Variants in RASSF4 observed in about 807,000 individuals in gnomAD.
RASSF4 encodes ras association domain-containing protein 4.
A neutral mutation model predicts 41.1 loss-of-function variants in RASSF4; 38 were observed. That is an observed-to-expected ratio of 0.92 (90% confidence interval 0.71 to 1.21). RASSF4 has a LOEUF of 1.21. Ranked by LOEUF, RASSF4 falls within the 50% of genes most tolerant of loss-of-function variation. RASSF4 has a pLI of 0.00. For synonymous variants in RASSF4, 179 were observed against 163.4 expected (o/e 1.10, Z -0.73); for missense variants, 414 against 419.4 (o/e 0.99, Z 0.11).
chr10:44,989,521 C>T (rs528658910), intron 7 of RASSF4, 146 bp downstream of exon 7: 25 of 966,350 alleles, frequency 2.6e-5, no homozygotes, highest in East Asian at 1.5e-4. Flanking sequence ...TTTGGTTTCT[C>T]GGATTTCAAG....
At chr10:44,982,407 C>A in intron 3 of RASSF4, 114 bp from the exon 4 acceptor site, 1 of 1,324,518 alleles carries the variant, frequency 7.5e-7, no homozygotes, top group Non-Finnish European at 1.1e-6. Flanking sequence ...GGGATGGGGC[C>A]ACTCAGGAGG....
intron 10 of RASSF4, 118 bp downstream of exon 10, chr10:44,992,120 G>A (rs560377579): frequency 9.2e-6 from 6 of 651,600 alleles, no homozygotes; most frequent in Admixed American, 2.8e-5. Context: ...ACCCTGGTAC[G>A]GGAAGGCCTG....
At chr10:44,984,615 C>A in intron 5 of RASSF4, 198 bp from the exon 6 acceptor site, 1 of 635,768 alleles carries the variant, frequency 1.6e-6, no homozygotes, top group Non-Finnish European at 2.8e-6. Flanking sequence ...CATTGTGACC[C>A]AGGTTACCCT....
chr10:44,979,581 C>A (rs368396807), intron 3 of RASSF4, among the ~76,000 whole-genome samples: 1 of 152,154 alleles, frequency 6.6e-6, no homozygotes, highest in Non-Finnish European at 1.5e-5. Flanking sequence ...GGGGTGTCTT[C>A]CCTAAGAGCA....
rs748665151 is a variant in RASSF4, at chr10:44,978,066, A to C, written c.139-4455A>C. 74 of 1,587,334 alleles carry C rather than the reference A, an allele frequency of 4.7e-5. No individual in the cohort carries two copies. In the South Asian group the frequency reaches 7.4e-4, roughly 16 times the overall value. Reference sequence around the variant, plus strand: ...AGAGGAGGTGGCAACCTGTTGGGAAACAGAAGCCTGGTGGTGAGGGCCTGC... The same window carrying C: ...AGAGGAGGTGGCAACCTGTTGGGAACCAGAAGCCTGGTGGTGAGGGCCTGC... On this transcript the variant is annotated intron_variant, in intron 3 of 10. Coordinates refer to ENST00000340258, the MANE Select transcript of RASSF4 (RefSeq NM_032023.4).
At position 44,984,867 on chromosome 10, in the gene RASSF4, C is replaced by T; in HGVS notation, c.428C>T (p.Ala143Val). The part of the protein sequence containing the change: ...APQLMRTKSD[A>V]SCMSQRRPKC... ...CAGCTGATGCGGACCAAGAGCGACG[C>T]CAGTTGCATGAGCCAGAGGAGGCCC... Residue 143 changes from alanine to valine, a missense_variant, in exon 6 of 11, where the codon GCC becomes GTC. Ala to Val is a moderately conservative substitution (Grantham distance 64, BLOSUM62 0). Transcript: ENST00000340258. The T allele has an allele frequency of 6.2e-7, 1 of 1,613,686 alleles. No individual in the cohort carries two copies. Among genetic ancestry groups the T allele is most frequent in the Non-Finnish European group, 8.5e-7 (1 of 1,180,018 alleles).
Position 44,983,931 on chromosome 10 carries a change from C to T in RASSF4, c.282-91C>T, listed in dbSNP as rs546306732. On this transcript the variant is annotated intron_variant, in intron 4 of 10. Coordinates refer to ENST00000340258, the MANE Select transcript of RASSF4 (RefSeq NM_032023.4). ...AGCCTGCCTTGCTTCCCGCCTGTGT[C>T]CTACCCCAGGGGCTGCTGGTCTCTT... 19 of 1,548,282 alleles carry T rather than the reference C, an allele frequency of 1.2e-5. No homozygotes were observed. In the East Asian group the frequency reaches 4.4e-4, roughly 36 times the overall value.
At chr10:44,986,626 G>A (rs1266331071) in intron 6 of RASSF4, among the ~76,000 whole-genome samples, 1 of 152,232 alleles carries the variant, frequency 6.6e-6, no homozygotes, top group Non-Finnish European at 1.5e-5. Flanking sequence ...TCCTGGGTAA[G>A]GGAAGTCCCA....
intron 3 of RASSF4, among the ~76,000 whole-genome samples, chr10:44,978,406 A>G (rs934643762): frequency 4.6e-5 from 7 of 152,302 alleles, no homozygotes; most frequent in African/African-American, 1.7e-4. Context: ...TTACCCATCC[A>G]TAAAACAGGG....
intron 1 of RASSF4, among the ~76,000 whole-genome samples, chr10:44,966,906 C>G (rs949066830): frequency 6.6e-6 from 1 of 152,172 alleles, no homozygotes; most frequent in African/African-American, 2.4e-5. Flanking sequence ...CTAGAATTTT[C>G]TATTCTCCTG....
intron 6 of RASSF4, 24 bp downstream of exon 6, chr10:44,984,994 C>A (rs1412085342): frequency 1.3e-6 from 2 of 1,598,396 alleles, no homozygotes; most frequent in South Asian, 2.2e-5. Flanking sequence ...CTGGCCTCTC[C>A]CCTGGGCGCA....
At chr10:44,980,847 T>G (rs3758399) in intron 3 of RASSF4, 4,450 of 152,220 alleles carry the variant, frequency 0.029, 69 homozygotes, top group East Asian at 0.053. Flanking sequence ...GAACCCCCCA[T>G]AGACCTTTGA....
intron 3 of RASSF4, chr10:44,977,594 C>A (rs776762120): frequency 2.1e-5 from 34 of 1,613,244 alleles, no homozygotes; most frequent in Non-Finnish European, 2.8e-5. Flanking sequence ...TCTGGGGGCC[C>A]CCATGGGCTT....
At chr10:44,992,314 C>T (rs966450358) in intron 10 of RASSF4, among the ~76,000 whole-genome samples, 3 of 152,242 alleles carry the variant, frequency 2.0e-5, no homozygotes, top group Non-Finnish European at 4.4e-5. Context: ...CCCAAGTGGG[C>T]GCTGGGTCAA....
chr10:44,964,746 T>G (rs1840837955), intron 1 of RASSF4, among the ~76,000 whole-genome samples: 1 of 152,244 alleles, frequency 6.6e-6, no homozygotes, highest in Non-Finnish European at 1.5e-5. Context: ...AATAGAGAGA[T>G]GGCTCCCTTT....
At chr10:44,986,023 T>C (rs1841908587) in intron 6 of RASSF4, among the ~76,000 whole-genome samples, 2 of 152,196 alleles carry the variant, frequency 1.3e-5, no homozygotes, top group South Asian at 4.1e-4. Flanking sequence ...TGAGTATTCT[T>C]TAAATCTTGT....
chr10:44,979,262 G>A (rs989269070), intron 3 of RASSF4, among the ~76,000 whole-genome samples: 1 of 152,188 alleles, frequency 6.6e-6, no homozygotes, highest in Non-Finnish European at 1.5e-5. Context: ...CACCCTGCTC[G>A]CAAGGGACCA....
intron 8 of RASSF4, 199 bp from the exon 9 acceptor site, chr10:44,990,749 C>G (rs1034869469): frequency 2.1e-6 from 1 of 483,400 alleles, no homozygotes; most frequent in Non-Finnish European, 3.7e-6. Flanking sequence ...AATCCTTATG[C>G]CAAAGTGGCA....
chr10:44,989,206 C>A, intron 6 of RASSF4, 68 bp from the exon 7 acceptor site: 1 of 979,606 alleles, frequency 1.0e-6, no homozygotes, highest in South Asian at 1.4e-5. Flanking sequence ...TTGGTCTGTT[C>A]ACCGTTGTGA....
Sources: allele counts gnomAD v4.1 joint callset (sites outside exome capture counted in the v4.1 genomes callset), GRCh38; gene constraint gnomAD v4.1.1; transcripts MANE v1.5; gene names NCBI Gene and HGNC (gene_info 2026-07-23, HGNC 2026-07-21).